Variants in TTC39B observed in about 807,000 individuals in gnomAD.
TTC39B encodes the protein tetratricopeptide repeat protein 39B.
In TTC39B, 92 loss-of-function variants were observed where a neutral mutation model predicts 96.6. That is an observed-to-expected ratio of 0.95 (90% confidence interval 0.80 to 1.13). The LOEUF is 1.13. Among genes scored for constraint, TTC39B ranks in the 50% most tolerant of loss-of-function variants. TTC39B has a pLI of 0.00. For missense variants in TTC39B, 955 were observed against 809.3 expected, an observed-to-expected ratio of 1.18 and a Z score of -2.18; for synonymous variants, 367 against 299.4, an observed-to-expected ratio of 1.23 and a Z score of -2.33.
At chr9:15,205,823 G>T (rs1000823503) in intron 6 of TTC39B, among the ~76,000 whole-genome samples, 1 of 152,140 alleles carries the variant, frequency 6.6e-6, no homozygotes, top group African/African-American at 2.4e-5. Flanking sequence ...TGATGGCAGC[G>T]GTGGGGGAGC....
chr9:15,204,782 T>G (rs1424127143), intron 6 of TTC39B, among the ~76,000 whole-genome samples: 1 of 152,090 alleles, frequency 6.6e-6, no homozygotes, highest in Non-Finnish European at 1.5e-5. Flanking sequence ...AGTTTCAGGC[T>G]AATTTGATCA....
At chr9:15,181,036 G>A (rs555356389) in intron 17 of TTC39B, among the ~76,000 whole-genome samples, 1 of 152,162 alleles carries the variant, frequency 6.6e-6, no homozygotes, top group Non-Finnish European at 1.5e-5. Context: ...GTGGAGGAGA[G>A]TGACTTGGTT....
intron 6 of TTC39B, among the ~76,000 whole-genome samples, chr9:15,208,620 C>T (rs112600275): frequency 2.0e-5 from 3 of 152,224 alleles, no homozygotes; most frequent in East Asian, 1.9e-4. Context: ...ACATTCTATC[C>T]GAAGTCAAGA....
At chr9:15,171,241 C>A (rs1381015254) in exon 20 of TTC39B, 6 of 96,400 alleles carry the variant, frequency 6.2e-5, no homozygotes, top group African/African-American at 2.6e-4. Flanking sequence ...AATTTACTTC[C>A]TAGAAGAAAA....
chr9:15,277,383 G>GC (rs1333135596), intron 1 of TTC39B, among the ~76,000 whole-genome samples: 1 of 152,164 alleles, frequency 6.6e-6, no homozygotes, highest in Non-Finnish European at 1.5e-5. Flanking sequence ...AGCCAAGATA[G>GC]CCCCATTGCA....
intron 1 of TTC39B, among the ~76,000 whole-genome samples, chr9:15,305,115 A>T (rs971832007): frequency 6.6e-6 from 1 of 152,124 alleles, no homozygotes; most frequent in African/African-American, 2.4e-5. Context: ...GGTCTTATGA[A>T]CTCGAGGTTA....
In TTC39B at chr9:15,226,021, TA is replaced by T. The variant is rs767674746; in HGVS notation, c.276-10del. The T allele has an allele frequency of 1.9e-6, 3 of 1,612,316 alleles. No homozygotes were observed. Among genetic ancestry groups the T allele is most frequent in the Non-Finnish European group, 2.5e-6 (3 of 1,178,730 alleles). ...TATCTGAGTGAGAAGATCTGTTAAT[TA>T]AAAAGGCAGAGCAAGGTTTTTTATT... On this transcript the variant is annotated splice_polypyrimidine_tract_variant and intron_variant, in intron 2 of 19. Coordinates refer to ENST00000512701, the Ensembl canonical transcript of TTC39B.
At chr9:15,290,948 A>G (rs1046215685) in intron 1 of TTC39B, among the ~76,000 whole-genome samples, 1 of 152,204 alleles carries the variant, frequency 6.6e-6, no homozygotes, top group Non-Finnish European at 1.5e-5. Flanking sequence ...TTTTTGGGTT[A>G]TACGTAAAAG....
At chr9:15,171,472 T>A (rs1388785613) in exon 20 of TTC39B, 1 of 152,126 alleles carries the variant, frequency 6.6e-6, no homozygotes, top group East Asian at 1.9e-4. Context: ...TAGAGAAAGG[T>A]CTCTTCAACC....
intron 1 of TTC39B, among the ~76,000 whole-genome samples, chr9:15,274,877 G>A (rs1177513292): frequency 6.6e-6 from 1 of 151,854 alleles, no homozygotes; most frequent in East Asian, 1.9e-4. Context: ...CAAAACAACA[G>A]TAAAATCATC....
At chr9:15,192,560 G>T (rs926795671) in intron 9 of TTC39B, 30 bp downstream of exon 9, 5 of 1,561,442 alleles carry the variant, frequency 3.2e-6, no homozygotes, top group Non-Finnish European at 4.4e-6. Context: ...TTCTACAAAA[G>T]TTCTGGTTTC....
At chr9:15,303,695 C>T (rs1824672049) in intron 1 of TTC39B, among the ~76,000 whole-genome samples, 1 of 151,476 alleles carries the variant, frequency 6.6e-6, no homozygotes, top group Non-Finnish European at 1.5e-5. Context: ...TACAATGGTG[C>T]GATCTCAGCT....
intron 1 of TTC39B, among the ~76,000 whole-genome samples, chr9:15,281,287 C>T (rs1823752218): frequency 6.6e-6 from 1 of 152,120 alleles, no homozygotes; most frequent in Non-Finnish European, 1.5e-5. Context: ...CCATCAAACT[C>T]ATGGGGTTGA....
rs1744911224 is a variant in TTC39B, at chr9:15,306,815, CA to C, written c.240+268del. On this transcript the variant is annotated intron_variant, in intron 1 of 19. Transcript: ENST00000512701. The surrounding 1 kb of genome is among the most constrained non-coding windows in gnomAD (Gnocchi z 5.1). The stretch of plus-strand genomic sequence containing the variant: ...GCCCTCACGCCCATCCAAGTGCTGG[CA>C]GGACGTGGGTCCTCCATCCCCACGA... Among the ~76,000 whole-genome samples, 1 of 152,164 alleles carries C rather than the reference CA, an allele frequency of 6.6e-6. No homozygotes were observed. Among genetic ancestry groups the C allele is most frequent in the Admixed American group, 6.5e-5 (1 of 15,286 alleles).
intron 7 of TTC39B, 63 bp from the exon 8 acceptor site, chr9:15,199,988 TTG>T (rs915954162): frequency 1.2e-5 from 10 of 838,406 alleles, no homozygotes; most frequent in African/African-American, 5.3e-5. Context: ...GTCCCCACAG[TTG>T]TGTGTTTGTG....
intron 2 of TTC39B, among the ~76,000 whole-genome samples, chr9:15,263,719 A>G (rs931222587): frequency 6.6e-6 from 1 of 152,216 alleles, no homozygotes; most frequent in African/African-American, 2.4e-5. Flanking sequence ...GGCCTCTGCT[A>G]CAAGATTCTT....
intron 2 of TTC39B, among the ~76,000 whole-genome samples, chr9:15,254,897 A>T (rs944304214): frequency 6.6e-6 from 1 of 151,528 alleles, no homozygotes; most frequent in Non-Finnish European, 1.5e-5. Context: ...TGCTGCATAA[A>T]AGTCAAGTTA....
At chr9:15,180,654 CCCATTTTCCAACTTCTCT>C (rs896214959) in intron 17 of TTC39B, among the ~76,000 whole-genome samples, 59 of 152,208 alleles carry the variant, frequency 3.9e-4, no homozygotes, top group East Asian at 7.7e-4. Flanking sequence ...ACAACTTCTC[CCCATTTTCCAACTTCTCT>C]CCATTTTCCA....
intron 3 of TTC39B, among the ~76,000 whole-genome samples, chr9:15,216,568 C>G (rs76523112): frequency 6.6e-6 from 1 of 152,144 alleles, no homozygotes; most frequent in Non-Finnish European, 1.5e-5. Context: ...CAGTCCATCA[C>G]GAAATTTTGT....
Sources: allele counts gnomAD v4.1 joint callset (sites outside exome capture counted in the v4.1 genomes callset), GRCh38; gene constraint gnomAD v4.1.1; non-coding constraint Gnocchi (gnomAD v3.1); transcripts MANE v1.5; gene names NCBI Gene and HGNC (gene_info 2026-07-23, HGNC 2026-07-21).